The following MCTP1 variants were observed in gnomAD, a reference collection of about 807,000 sequenced individuals.
MCTP1 encodes the protein multiple C2 and transmembrane domain containing 1.
A neutral mutation model predicts 120.6 loss-of-function variants in MCTP1; 69 were observed. The observed-to-expected ratio is 0.57, with a 90% confidence interval of 0.47 to 0.70. MCTP1 has a LOEUF of 0.70. MCTP1 is among the 30% of genes least tolerant of loss of function. The pLI is 0.00. For synonymous variants in MCTP1, 529 were observed against 493.1 expected (o/e 1.07, Z -0.96); for missense variants, 1,203 against 1,248.8 (o/e 0.96, Z 0.55).
intron 1 of MCTP1, among the ~76,000 whole-genome samples, chr5:95,213,597 T>C (rs1752666751): frequency 1.3e-5 from 2 of 151,886 alleles, no homozygotes; most frequent in Middle Eastern, 3.4e-3. Context: ...GGCATCACAC[T>C]ACCTGACTTC....
At chr5:94,859,433 T>C (rs916703935) in intron 17 of MCTP1, among the ~76,000 whole-genome samples, 1 of 151,830 alleles carries the variant, frequency 6.6e-6, no homozygotes, top group South Asian at 2.1e-4. Context: ...TATTTTCAAA[T>C]AGGTAGAAGA....
At chr5:94,891,855 C>T (rs1415639653) in intron 11 of MCTP1, among the ~76,000 whole-genome samples, 9 of 152,104 alleles carry the variant, frequency 5.9e-5, no homozygotes, top group South Asian at 2.1e-4. Flanking sequence ...TTGCTATTTA[C>T]GGTTATTTTA....
At chr5:95,017,235 G>T (rs1419543464) in intron 2 of MCTP1, 132 bp downstream of exon 2, 2 of 543,314 alleles carry the variant, frequency 3.7e-6, no homozygotes, top group Non-Finnish European at 6.5e-6. Flanking sequence ...GTGTCAAACT[G>T]TGTCTTTGAA....
At position 94,965,369 on chromosome 5, in the gene MCTP1, C is replaced by T. The variant is rs186924391; in HGVS notation, c.839-12008G>A. On this transcript the variant is annotated intron_variant, in intron 2 of 22. Coordinates refer to ENST00000515393, the MANE Select transcript of MCTP1 (RefSeq NM_024717.7). ...CTGAACAGAGGAGATCTCTCTAGTC[C>T]TCACACCATTCTGGTTTGGAAAATG... Among the ~76,000 whole-genome samples the T allele has an allele frequency of 2.9e-4, 44 of 152,256 alleles. No individual in the cohort carries two copies. In the East Asian group the frequency reaches 8.5e-3, roughly 29 times the overall value.
intron 1 of MCTP1, among the ~76,000 whole-genome samples, chr5:95,059,725 G>C (rs944711460): frequency 6.6e-6 from 1 of 152,114 alleles, no homozygotes; most frequent in African/African-American, 2.4e-5. Flanking sequence ...AGAGTAGAGA[G>C]GAGAGGAGAA....
Position 95,121,248 on chromosome 5 carries a change from A to C in MCTP1, c.721-103764T>G, listed in dbSNP as rs1278990223. 2.3e-5 allele frequency among the ~76,000 whole-genome samples: 3 copies of C among 130,574 alleles called. No individual in the cohort carries two copies. The East Asian group carries it at 7.4e-4, about 32-fold the overall frequency. 85.7% of individuals were successfully genotyped at this position (130,574 alleles called of 152,430 possible). A position where few individuals can be genotyped will look rare whatever the true frequency, so the allele number is the denominator to read the frequency against. On this transcript the variant is annotated intron_variant, in intron 1 of 22. Coordinates refer to ENST00000515393, the MANE Select transcript of MCTP1 (RefSeq NM_024717.7). ...AGCAGAGATCATGCCACTGCACTCC[A>C]GCCTGGGTGACAGAGCGAGACTCCA... is the stretch of plus-strand genomic sequence containing the variant.
At chr5:95,009,844 C>T (rs1383707328) in intron 2 of MCTP1, among the ~76,000 whole-genome samples, 1 of 152,152 alleles carries the variant, frequency 6.6e-6, no homozygotes, top group African/African-American at 2.4e-5. Flanking sequence ...AAGGCAGTAG[C>T]ACTTCAAGAA....
At chr5:94,883,944 A>G (rs1800686059) in intron 12 of MCTP1, among the ~76,000 whole-genome samples, 1 of 152,238 alleles carries the variant, frequency 6.6e-6, no homozygotes, top group Non-Finnish European at 1.5e-5. Flanking sequence ...AACTGTATAT[A>G]AAACTTTCAA....
At chr5:94,843,089 AT>A (rs1190435957) in intron 17 of MCTP1, among the ~76,000 whole-genome samples, 1 of 151,752 alleles carries the variant, frequency 6.6e-6, no homozygotes, top group African/African-American at 2.4e-5. Context: ...TATGAAATAT[AT>A]TTTTTATCAG....
At chr5:95,047,435 T>C (rs1411711013) in intron 1 of MCTP1, among the ~76,000 whole-genome samples, 1 of 152,160 alleles carries the variant, frequency 6.6e-6, no homozygotes, top group Non-Finnish European at 1.5e-5. Context: ...AAGCCCTTAA[T>C]TGGTAATACA....
chr5:94,862,476 A>G (rs1011297328), intron 17 of MCTP1, among the ~76,000 whole-genome samples: 3 of 151,868 alleles, frequency 2.0e-5, no homozygotes, highest in Non-Finnish European at 4.4e-5. Context: ...CTTAGCAGAT[A>G]CAAAAACAAA....
Position 95,185,750 on chromosome 5 carries a change from C to T in MCTP1, c.720+98106G>A, listed in dbSNP as rs1207370607. ...TGGTGGTTCACGCCTGTAATCCCAG[C>T]ACTTTGGGAGGATGAGGCAGTTGGA... On this transcript the variant is annotated intron_variant, in intron 1 of 22. Transcript: ENST00000515393. Among the ~76,000 whole-genome samples the T allele has an allele frequency of 5.3e-5, 8 of 151,838 alleles. No homozygotes were observed. The South Asian group carries it at 1.0e-3, about 20-fold the overall frequency.
At chr5:94,778,847 C>T (rs1775977935) in intron 19 of MCTP1, among the ~76,000 whole-genome samples, 2 of 152,186 alleles carry the variant, frequency 1.3e-5, no homozygotes, top group African/African-American at 4.8e-5. Context: ...TTCACGAGAG[C>T]TATCAAGTTC....
chr5:95,010,932 T>C (rs1562012547), intron 2 of MCTP1, among the ~76,000 whole-genome samples: 1 of 152,126 alleles, frequency 6.6e-6, no homozygotes, highest in Non-Finnish European at 1.5e-5. Context: ...TGATGTCATA[T>C]GTTGCCAGAG....
chr5:94,871,516 G>T (rs1581129175), intron 13 of MCTP1, 99 bp from the exon 14 acceptor site: 2 of 805,062 alleles, frequency 2.5e-6, no homozygotes, highest in East Asian at 5.3e-5. Context: ...GATTTTGTGT[G>T]TGTTTGTAAG....
intron 2 of MCTP1, among the ~76,000 whole-genome samples, chr5:94,994,783 C>A (rs1832283142): frequency 6.6e-6 from 1 of 152,174 alleles, no homozygotes; most frequent in South Asian, 2.1e-4. Flanking sequence ...ATCTAATCAG[C>A]TGCCAGCAGG....
chr5:95,138,803 T>G (rs988899723), intron 1 of MCTP1, among the ~76,000 whole-genome samples: 5 of 152,232 alleles, frequency 3.3e-5, no homozygotes, highest in Admixed American at 2.6e-4. Flanking sequence ...CTGCCTCTAG[T>G]GTGCAAAGTA....
chr5:95,265,851 G>A (rs566830933), intron 1 of MCTP1, among the ~76,000 whole-genome samples: 2 of 152,298 alleles, frequency 1.3e-5, no homozygotes, highest in African/African-American at 4.8e-5. Context: ...TATGTGTGTA[G>A]GCGGCAGTCA....
intron 10 of MCTP1, among the ~76,000 whole-genome samples, chr5:94,905,075 A>G (rs1484779693): frequency 6.6e-6 from 1 of 152,220 alleles, no homozygotes; most frequent in Non-Finnish European, 1.5e-5. Context: ...CGCCTCCCTG[A>G]TGAGACATTG....
Sources: allele counts gnomAD v4.1 joint callset (sites outside exome capture counted in the v4.1 genomes callset), GRCh38; gene constraint gnomAD v4.1.1; transcripts MANE v1.5; gene names NCBI Gene and HGNC (gene_info 2026-07-23, HGNC 2026-07-21).